Variants in ATG7 observed in about 807,000 individuals in gnomAD.
ATG7 encodes autophagy related 7.
A neutral mutation model predicts 82.4 loss-of-function variants in ATG7; 70 were observed. The ratio of observed to expected loss-of-function variants is 0.85; its 90% confidence interval spans 0.70 to 1.04. The LOEUF (loss-of-function observed/expected upper bound fraction) is 1.04. Ranked by LOEUF, ATG7 falls within the 50% of genes least tolerant of loss-of-function variation. The pLI, the probability that ATG7 is intolerant of heterozygous loss-of-function variation, is 0.00. For missense variants in ATG7, 792 were observed against 864.3 expected, an observed-to-expected ratio of 0.92 and a Z score of 1.05; for synonymous variants, 287 against 313.0, an observed-to-expected ratio of 0.92 and a Z score of 0.88.
intron 9 of ATG7, among the ~76,000 whole-genome samples, chr3:11,316,191 A>C (rs956534246): frequency 2.6e-5 from 4 of 152,118 alleles, no homozygotes; most frequent in Non-Finnish European, 5.9e-5. Context: ...ACTGTAGAAG[A>C]ATCTCCCTTG....
chr3:11,432,414 G>A (rs1464381928), intron 20 of ATG7, among the ~76,000 whole-genome samples: 1 of 152,090 alleles, frequency 6.6e-6, no homozygotes, highest in Admixed American at 6.6e-5. Context: ...CCACATAAAT[G>A]CCATTTGCCT....
At chr3:11,557,841 G>A (rs780051389), downstream of ATG7, 1 of 152,642 alleles carries the variant, frequency 6.6e-6, no homozygotes, top group Non-Finnish European at 1.5e-5. Flanking sequence ...GGTAGAGTCT[G>A]CAGTCCAGTT....
intron 20 of ATG7, among the ~76,000 whole-genome samples, chr3:11,447,450 G>A (rs191508199): frequency 1.1e-4 from 17 of 150,796 alleles, no homozygotes; most frequent in Admixed American, 9.9e-4. Context: ...CCGGGCAACA[G>A]TGCAAGACTC....
chr3:11,422,153 C>T (rs957155631), intron 19 of ATG7, among the ~76,000 whole-genome samples: 4 of 152,210 alleles, frequency 2.6e-5, no homozygotes, highest in Non-Finnish European at 5.9e-5. Flanking sequence ...CTGTTTTGGT[C>T]TTGACCAAGG....
At chr3:11,340,983 C>T (rs1199998183) in intron 12 of ATG7, among the ~76,000 whole-genome samples, 1 of 152,200 alleles carries the variant, frequency 6.6e-6, no homozygotes, top group South Asian at 2.1e-4. Context: ...CTCATGCTCT[C>T]AGACCACCAG....
At chr3:11,276,222 T>G (rs919834382) in intron 1 of ATG7, among the ~76,000 whole-genome samples, 1 of 152,200 alleles carries the variant, frequency 6.6e-6, no homozygotes, top group Non-Finnish European at 1.5e-5. Context: ...CAGCTTCCTC[T>G]TCTATCCTTT....
At chr3:11,506,131 G>C (rs989558798) in intron 20 of ATG7, among the ~76,000 whole-genome samples, 2 of 152,046 alleles carry the variant, frequency 1.3e-5, no homozygotes, top group African/African-American at 4.8e-5. Context: ...TCTTTCCCTA[G>C]TACATTTATT....
rs183491431 is a variant in ATG7 at position 11,410,330 on chromosome 3, A to T, written c.1957-16474A>T. Among the ~76,000 whole-genome samples the T allele has an allele frequency of 2.8e-3, 417 of 151,502 alleles. 4 individuals carry two copies. The highest frequency in any genetic ancestry group is 5.6e-3 in the Admixed American group (85 of 15,194). ...GTGTTGCTAATGTGAATGATATTGT[A>T]TTTTTTTTTAAATTAAAATTTGATA... On this transcript the variant is annotated intron_variant, in intron 19 of 20. Coordinates refer to ENST00000693202, the MANE Select transcript of ATG7 (RefSeq NM_001349232.2).
chr3:11,543,371 T>C (rs1274275088), intron 20 of ATG7, among the ~76,000 whole-genome samples: 2 of 152,196 alleles, frequency 1.3e-5, no homozygotes, highest in South Asian at 2.1e-4. Flanking sequence ...AGACTAGAAG[T>C]AGCCCCCACA....
chr3:11,358,927 C>G (rs1012700035), intron 15 of ATG7, among the ~76,000 whole-genome samples: 1 of 152,170 alleles, frequency 6.6e-6, no homozygotes, highest in African/African-American at 2.4e-5. Context: ...TGGTCAATGA[C>G]AACTTCAAGG....
chr3:11,530,459 G>A (rs2092673400), intron 20 of ATG7, among the ~76,000 whole-genome samples: 1 of 152,168 alleles, frequency 6.6e-6, no homozygotes, highest in Admixed American at 6.5e-5. Flanking sequence ...AAACTTGGAT[G>A]CTGAATTGGG....
At chr3:11,369,226 T>C (rs1347527395) in intron 18 of ATG7, among the ~76,000 whole-genome samples, 1 of 151,056 alleles carries the variant, frequency 6.6e-6, no homozygotes, top group African/African-American at 2.4e-5. Context: ...GATGGACTGC[T>C]GAGGAGGGAA....
intron 19 of ATG7, among the ~76,000 whole-genome samples, chr3:11,399,837 G>A (rs2079656080): frequency 6.6e-6 from 1 of 152,206 alleles, no homozygotes; most frequent in Non-Finnish European, 1.5e-5. Flanking sequence ...GCCTCCCAAA[G>A]TGCTGGGATT....
rs1374670673 is a variant in ATG7, at chr3:11,341,209, G to A, written c.980+474G>A. On this transcript the variant is annotated intron_variant, in intron 12 of 20. Coordinates refer to ENST00000693202, the MANE Select transcript of ATG7 (RefSeq NM_001349232.2). ...CCTGAGTAGCTGGGATTACAGGCACGCGCCACCATGCCCTGCTAATTTTTT... is the reference window on the plus strand; with the variant it reads ...CCTGAGTAGCTGGGATTACAGGCACACGCCACCATGCCCTGCTAATTTTTT... 3.4e-5 allele frequency among the ~76,000 whole-genome samples: 5 copies of A among 147,200 alleles called. No individual in the cohort carries two copies. The East Asian group carries it at 6.3e-4, about 19-fold the overall frequency.
intron 14 of ATG7, among the ~76,000 whole-genome samples, chr3:11,357,859 A>G (rs1490572344): frequency 1.3e-5 from 2 of 151,966 alleles, no homozygotes; most frequent in African/African-American, 2.4e-5. Context: ...AAATTAAAAA[A>G]TCAGCCAGGT....
At position 11,470,636 on chromosome 3, in the gene ATG7, AGAT is replaced by A. The variant is rs376772668; in HGVS notation, c.2079+43712_2079+43714del. 2.3e-4 allele frequency among the ~76,000 whole-genome samples: 35 copies of A among 152,274 alleles called. No homozygotes were observed. In the East Asian group the frequency reaches 6.2e-3, roughly 27 times the overall value. On this transcript the variant is annotated intron_variant, in intron 20 of 20. Coordinates refer to ENST00000693202, the MANE Select transcript of ATG7 (RefSeq NM_001349232.2). Reference sequence around the variant, plus strand: ...GTAAATGTCAGCATTCCCATTTTACAGATGGGGAAGTTGAGGCTCAGAGGTGTG... The same window carrying A: ...GTAAATGTCAGCATTCCCATTTTACAGGGGAAGTTGAGGCTCAGAGGTGTG...
chr3:11,462,881 ATT>A (rs2086470244), intron 20 of ATG7, among the ~76,000 whole-genome samples: 1 of 133,072 alleles, frequency 7.5e-6, no homozygotes, highest in Non-Finnish European at 1.6e-5. Flanking sequence ...TTATTTATTT[ATT>A]TATTTATTTA....
intron 20 of ATG7, among the ~76,000 whole-genome samples, chr3:11,488,696 A>G (rs58541712): frequency 1 from 152,309 of 152,340 alleles, 76,140 homozygotes; most frequent in Middle Eastern, 1. Flanking sequence ...TTTATATGCT[A>G]GGTTACATTT....
intron 18 of ATG7, among the ~76,000 whole-genome samples, chr3:11,368,737 C>CAA (rs11348094): frequency 1.5e-5 from 2 of 132,942 alleles, no homozygotes; most frequent in Non-Finnish European, 3.2e-5. Flanking sequence ...GTCCCTGTCT[C>CAA]AAAAAAAAAA....
Sources: allele counts gnomAD v4.1 joint callset (sites outside exome capture counted in the v4.1 genomes callset), GRCh38; gene constraint gnomAD v4.1.1; transcripts MANE v1.5; gene names NCBI Gene and HGNC (gene_info 2026-07-23, HGNC 2026-07-21).